CCDC159: variants seen among roughly 807,000 people sequenced by gnomAD.
CCDC159 encodes coiled-coil domain-containing protein 159.
CCDC159 carries 40 observed loss-of-function variants against 50.9 expected under a neutral mutation model. That is an observed-to-expected ratio of 0.79 (90% CI 0.61 to 1.02). CCDC159 has a LOEUF of 1.02. CCDC159 is among the 50% of genes least tolerant of loss of function. The probability of loss-of-function intolerance (pLI) is 0.00; values close to 1 mark genes in which losing one functional copy is unlikely to be tolerated. For synonymous variants in CCDC159, 146 were observed against 138.9 expected (o/e 1.05, Z -0.36); for missense variants, 356 against 371.5 (o/e 0.96, Z 0.34).
Position 11,346,581 on chromosome 19 carries a change from G to C in CCDC159, c.-26G>C. 1 of 1,551,548 alleles carries C rather than the reference G, an allele frequency of 6.4e-7. No homozygotes were observed. The highest frequency in any genetic ancestry group is 8.7e-7 in the Non-Finnish European group (1 of 1,146,894). ...CGCGGGATCAAACTTCAGCGTCACA[G>C]CTGAGGACTGGCTTCGTGGTCCCTG... On this transcript the variant is annotated 5_prime_UTR_variant, in exon 1 of 11. Coordinates refer to ENST00000458408, the MANE Select transcript of CCDC159 (RefSeq NM_001080503.3).
At chr19:11,348,064 G>C (rs910310142) in intron 1 of CCDC159, 1 of 450,120 alleles carries the variant, frequency 2.2e-6, no homozygotes, top group South Asian at 1.6e-5. Context: ...GCTTCCTCTC[G>C]GACCTCGATT....
At chr19:11,349,341 C>G (rs747469820) in intron 1 of CCDC159, 1 of 496,626 alleles carries the variant, frequency 2.0e-6, no homozygotes, top group Non-Finnish European at 3.4e-6. Context: ...ACCTGGCACT[C>G]AGCAGGCCCT....
chr19:11,352,921 AC>A (rs1365806617), intron 7 of CCDC159, among the ~76,000 whole-genome samples: 2 of 152,030 alleles, frequency 1.3e-5, no homozygotes, highest in South Asian at 2.1e-4. Context: ...ACAGACTGAG[AC>A]CCTGTCTCAA....
intron 3 of CCDC159, 30 bp downstream of exon 3, chr19:11,350,056 CCT>C: frequency 6.2e-7 from 1 of 1,612,472 alleles, no homozygotes; most frequent in Non-Finnish European, 8.5e-7. Flanking sequence ...CCCCCAGCAA[CCT>C]CTGTTTCTCC....
chr19:11,351,087 A>T, intron 5 of CCDC159, 84 bp downstream of exon 5: 179 of 1,111,518 alleles, frequency 1.6e-4, no homozygotes, highest in Non-Finnish European at 2.0e-4. Context: ...GATGGGGGAA[A>T]TGGCAGATGC....
In CCDC159 at chr19:11,351,929, T is replaced by A. The variant is rs1967608004; in HGVS notation, c.446T>A (p.Leu149Gln). Residue 149 changes from leucine to glutamine, a missense_variant, in exon 6 of 11, where the codon CTG (leucine) becomes CAG (glutamine). Coordinates refer to ENST00000458408, the MANE Select transcript of CCDC159 (RefSeq NM_001080503.3). ...RDSKKFLWEE[L>Q]ELVREEVTFI... Reference sequence around the variant, plus strand: ...AGCAAGAAGTTCCTGTGGGAGGAGCTGGAACTGGTGCGGGAGGAGGTGACC... The same window carrying A: ...AGCAAGAAGTTCCTGTGGGAGGAGCAGGAACTGGTGCGGGAGGAGGTGACC... 6.2e-7 allele frequency: 1 copy of A among 1,601,820 alleles called. No homozygotes were observed. The highest frequency in any genetic ancestry group is 1.7e-5 in the Admixed American group (1 of 58,032).
chr19:11,348,875 T>C, intron 1 of CCDC159: 1 of 832,278 alleles, frequency 1.2e-6, no homozygotes, highest in South Asian at 1.3e-5. Context: ...TGGGGTTAGT[T>C]AGGGGGCTCC....
intron 5 of CCDC159, 111 bp from the exon 6 acceptor site, chr19:11,351,795 G>C (rs1371765542): frequency 5.8e-6 from 5 of 855,742 alleles, no homozygotes; most frequent in Admixed American, 2.1e-5. Context: ...AAAGGGCAGG[G>C]AAGTGTGGGG....
intron 7 of CCDC159, 154 bp downstream of exon 7, chr19:11,352,287 G>A: frequency 1.4e-6 from 1 of 733,866 alleles, no homozygotes; most frequent in Non-Finnish European, 2.3e-6. Flanking sequence ...ACCTCTCTGA[G>A]CCTCAGTTTC....
rs572777284 is a variant in CCDC159, at chr19:11,353,584, C to T, written c.689+12C>T. 3.2e-5 allele frequency: 51 copies of T among 1,610,538 alleles called. No homozygotes were observed. In the South Asian group the frequency reaches 4.8e-4, roughly 15 times the overall value. On this transcript the variant is annotated intron_variant, in intron 8 of 10. Coordinates refer to ENST00000458408, the MANE Select transcript of CCDC159 (RefSeq NM_001080503.3). Reference sequence around the variant, plus strand: ...CTGAGTGATATATGGTGATGCCCAGCCTGCAGTCTGACCCCTGACCCTCCT... The same window carrying T: ...CTGAGTGATATATGGTGATGCCCAGTCTGCAGTCTGACCCCTGACCCTCCT...
chr19:11,349,701 T>G lies in CCDC159; in HGVS notation c.55+14T>G. 6.3e-7 allele frequency: 1 copy of G among 1,585,974 alleles called. No individual in the cohort carries two copies. The highest frequency in any genetic ancestry group is 8.7e-7 in the Non-Finnish European group (1 of 1,155,632). On this transcript the variant is annotated intron_variant, in intron 2 of 10. Coordinates refer to ENST00000458408, the MANE Select transcript of CCDC159 (RefSeq NM_001080503.3). ...CCAAAGTCAAAGGTGAGAAATCTCC[T>G]TTCCAACAAAACTGTGTGGGGAAGA...
intron 1 of CCDC159, chr19:11,349,070 GA>G: frequency 1.5e-6 from 2 of 1,344,954 alleles, no homozygotes; most frequent in Non-Finnish European, 2.0e-6. Flanking sequence ...GAGGACTGCA[GA>G]CTGCAGGCCA....
Position 11,353,448 on chromosome 19 carries a change from C to G in CCDC159, c.568-3C>G. 1 of 1,568,576 alleles carries G rather than the reference C, an allele frequency of 6.4e-7. No individual in the cohort carries two copies. On this transcript the variant is annotated splice_polypyrimidine_tract_variant and splice_region_variant and intron_variant, in intron 7 of 10. Coordinates refer to ENST00000458408, the MANE Select transcript of CCDC159 (RefSeq NM_001080503.3). ...GCTGTTCTCTCATCCCTCCCCACCCCAGATCCTGACCAAGATGAAGCAGCA... is the reference window on the plus strand; with the variant it reads ...GCTGTTCTCTCATCCCTCCCCACCCGAGATCCTGACCAAGATGAAGCAGCA...
chr19:11,349,537 TG>T, intron 1 of CCDC159, 116 bp from the exon 2 acceptor site: 1 of 1,361,740 alleles, frequency 7.3e-7, no homozygotes. Flanking sequence ...ACTTACGGTT[TG>T]GGACACCTAG....
intron 10 of CCDC159, 77 bp downstream of exon 10, chr19:11,354,773 A>C: frequency 6.2e-7 from 1 of 1,610,054 alleles, no homozygotes; most frequent in Middle Eastern, 1.7e-4. Context: ...CTAGACCCTC[A>C]GAACAGGCCC....
At chr19:11,351,795 G>A (rs1371765542) in intron 5 of CCDC159, 111 bp from the exon 6 acceptor site, 2 of 855,742 alleles carry the variant, frequency 2.3e-6, no homozygotes, top group Non-Finnish European at 3.8e-6. Flanking sequence ...AAAGGGCAGG[G>A]AAGTGTGGGG....
In CCDC159 at chr19:11,353,584, C is replaced by G. The variant is rs572777284; in HGVS notation, c.689+12C>G. The G allele has an allele frequency of 1.9e-6, 3 of 1,610,420 alleles. No individual in the cohort carries two copies. The highest frequency in any genetic ancestry group is 2.5e-6 in the Non-Finnish European group (3 of 1,177,312). ...CTGAGTGATATATGGTGATGCCCAG[C>G]CTGCAGTCTGACCCCTGACCCTCCT... On this transcript the variant is annotated intron_variant, in intron 8 of 10. Coordinates refer to ENST00000458408, the MANE Select transcript of CCDC159 (RefSeq NM_001080503.3).
Position 11,354,897 on chromosome 19 carries a change from C to T in CCDC159, c.*20C>T, listed in dbSNP as rs1467947862. The stretch of plus-strand genomic sequence containing the variant: ...GCTTGAGCAGCCGGGACTGCTCTCC[C>T]TGAAGACCCCTCCAGAGAGAAAATA... On this transcript the variant is annotated 3_prime_UTR_variant, in exon 11 of 11. Coordinates refer to ENST00000458408, the MANE Select transcript of CCDC159 (RefSeq NM_001080503.3). 6.2e-7 allele frequency: 1 copy of T among 1,613,206 alleles called. No homozygotes were observed. The highest frequency in any genetic ancestry group is 8.5e-7 in the Non-Finnish European group (1 of 1,179,548).
chr19:11,352,076 C>T lies in CCDC159; in HGVS notation c.510C>T (p.Ile170=), dbSNP rs767757876. The change falls in exon 7 of 11, where the codon ATC becomes ATT. Residue 170 remains isoleucine (I), a synonymous_variant. Transcript: ENST00000458408. ...YQKLQAQEDE[I]SENLVNIQKM... ...CCACAGAAGCGCAGGAGGATGAGAT[C>T]TCAGAGAACTTGGTGAACATTCAGA... 1.3e-5 allele frequency: 21 copies of T among 1,613,752 alleles called. No individual in the cohort carries two copies. The highest frequency in any genetic ancestry group is 1.7e-5 in the Non-Finnish European group (20 of 1,179,798).
Sources: allele counts gnomAD v4.1 joint callset (sites outside exome capture counted in the v4.1 genomes callset), GRCh38; gene constraint gnomAD v4.1.1; transcripts MANE v1.5; gene names NCBI Gene and HGNC (gene_info 2026-07-23, HGNC 2026-07-21).